Variants in DNASE1 observed in about 807,000 individuals in gnomAD.
DNASE1 encodes deoxyribonuclease 1, also known as deoxyribonuclease-1.
Under a neutral mutation model 33.9 loss-of-function variants are expected in DNASE1, and 40 were observed. The ratio of observed to expected loss-of-function variants is 1.18; its 90% CI spans 0.92 to 1.54. The LOEUF is 1.54. DNASE1 is among the 40% of genes most tolerant of loss of function. The pLI is 0.00. For synonymous variants in DNASE1, 216 were observed against 160.0 expected (o/e 1.35, Z -2.64); for missense variants, 518 against 372.6 (o/e 1.39, Z -3.21).
chr16:3,654,275 A>G, upstream of DNASE1: 1 of 397,982 alleles, frequency 2.5e-6, no homozygotes, highest in Non-Finnish European at 4.4e-6. Flanking sequence ...TTGGCTGGCA[A>G]TTGGGGTGGG....
At chr16:3,655,777 C>A in intron 2 of DNASE1, 72 bp from the exon 3 acceptor site, 2 of 1,574,056 alleles carry the variant, frequency 1.3e-6, no homozygotes, top group Non-Finnish European at 1.7e-6. Flanking sequence ...TCAGCTGTGG[C>A]TCCCTTTGTG....
At chr16:3,612,512 A>T (rs1019542063) in intron 1 of DNASE1, among the ~76,000 whole-genome samples, 1 of 147,864 alleles carries the variant, frequency 6.8e-6, no homozygotes, top group African/African-American at 2.5e-5. Context: ...CGGCCTCCCA[A>T]AGTGGTGGGA....
downstream of DNASE1, chr16:3,658,877 A>G (rs764862839): frequency 9.9e-6 from 16 of 1,613,838 alleles, no homozygotes; most frequent in Non-Finnish European, 1.2e-5. Flanking sequence ...TGCAACACAG[A>G]ACCCACCAGA....
intron 1 of DNASE1, among the ~76,000 whole-genome samples, chr16:3,645,930 G>A (rs932518260): frequency 3.9e-5 from 6 of 152,188 alleles, no homozygotes; most frequent in Non-Finnish European, 7.3e-5. Context: ...ACACTGTCAC[G>A]GCAAAGACAC....
downstream of DNASE1, chr16:3,661,656 C>G (rs2043081921): frequency 3.6e-6 from 1 of 276,528 alleles, no homozygotes; most frequent in Non-Finnish European, 6.8e-6. Context: ...GAGACTTCAG[C>G]AAACACCAAG....
rs185929628 is a variant in DNASE1, at chr16:3,633,847, C to T, written c.-1358-6868C>T. 1.4e-4 allele frequency among the ~76,000 whole-genome samples: 21 copies of T among 152,196 alleles called. No individual in the cohort carries two copies. The East Asian group carries it at 2.9e-3, about 21-fold the overall frequency. Reference sequence around the variant, plus strand: ...TTTTTAAGACCGAGTCTCGCTCTGTCGCCCAGGCTGAAGTGCGGTGGCTCG... The same window carrying T: ...TTTTTAAGACCGAGTCTCGCTCTGTTGCCCAGGCTGAAGTGCGGTGGCTCG... On this transcript the variant is annotated intron_variant and NMD_transcript_variant, in intron 1 of 11. Coordinates refer to the DNASE1 transcript ENST00000570769.
chr16:3,631,214 T>C (rs2041687329), intron 1 of DNASE1, among the ~76,000 whole-genome samples: 1 of 151,778 alleles, frequency 6.6e-6, no homozygotes, highest in South Asian at 2.1e-4. Context: ...TTGTTGGTTT[T>C]GTTTTTGAGA....
At chr16:3,663,497 C>T in exon 10 of DNASE1, 1 of 1,614,202 alleles carries the variant, frequency 6.2e-7, no homozygotes, top group African/African-American at 1.3e-5. Context: ...AGATCAGCTT[C>T]TTCTTGTCAA....
chr16:3,645,991 C>G (rs1015334324), intron 1 of DNASE1, among the ~76,000 whole-genome samples: 4 of 152,162 alleles, frequency 2.6e-5, no homozygotes, highest in African/African-American at 9.7e-5. Context: ...CTAAGATGCT[C>G]TGTCCCTGGG....
chr16:3,645,883 A>G (rs984132928), intron 1 of DNASE1, among the ~76,000 whole-genome samples: 1 of 152,216 alleles, frequency 6.6e-6, no homozygotes, highest in African/African-American at 2.4e-5. Context: ...GGCTGTGATG[A>G]CTGCATCCTG....
exon 10 of DNASE1, chr16:3,664,561 C>T (rs1035600569): frequency 1.2e-5 from 16 of 1,308,270 alleles, no homozygotes; most frequent in Non-Finnish European, 1.7e-5. Flanking sequence ...CCTCCTGGCA[C>T]TCCAGGCTGG....
chr16:3,639,011 T>G (rs1482923389), upstream of DNASE1, among the ~76,000 whole-genome samples: 2 of 152,248 alleles, frequency 1.3e-5, no homozygotes, highest in Non-Finnish European at 2.9e-5. Context: ...CTTAAATATA[T>G]GCCGAACTAT....
At chr16:3,647,494 G>C (rs866678498) in intron 1 of DNASE1, among the ~76,000 whole-genome samples, 2 of 152,026 alleles carry the variant, frequency 1.3e-5, no homozygotes, top group Non-Finnish European at 2.9e-5. Flanking sequence ...GACTGGTTTT[G>C]AACTTCTAAG....
intron 1 of DNASE1, among the ~76,000 whole-genome samples, chr16:3,621,142 C>G (rs1488665228): frequency 6.6e-6 from 1 of 152,012 alleles, no homozygotes; most frequent in Non-Finnish European, 1.5e-5. Context: ...GTCATCCATG[C>G]TAGAATGCAG....
At chr16:3,626,413 G>A (rs1476139214) in intron 1 of DNASE1, among the ~76,000 whole-genome samples, 1 of 152,112 alleles carries the variant, frequency 6.6e-6, no homozygotes, top group Admixed American at 6.6e-5. Flanking sequence ...GAAGTATGTT[G>A]CTTAATATCA....
At chr16:3,624,117 A>G (rs892600860) in intron 1 of DNASE1, among the ~76,000 whole-genome samples, 2 of 151,954 alleles carry the variant, frequency 1.3e-5, no homozygotes, top group Non-Finnish European at 2.9e-5. Context: ...TCTCTACTAA[A>G]AATACAAAAA....
upstream of DNASE1, chr16:3,640,904 T>C (rs898120521): frequency 5.0e-6 from 2 of 398,402 alleles, no homozygotes; most frequent in African/African-American, 4.1e-5. Flanking sequence ...CCGTCACCCA[T>C]GAGCTCTCAA....
At chr16:3,657,374 G>C in intron 7 of DNASE1, 33 bp downstream of exon 7, 1 of 1,607,960 alleles carries the variant, frequency 6.2e-7, no homozygotes, top group Non-Finnish European at 8.5e-7. Flanking sequence ...GGCAGACTGA[G>C]GGCACCTCCA....
intron 1 of DNASE1, among the ~76,000 whole-genome samples, chr16:3,619,148 C>A (rs2041212156): frequency 6.6e-6 from 1 of 152,148 alleles, no homozygotes; most frequent in South Asian, 2.1e-4. Flanking sequence ...GATCCTCCTG[C>A]CTCAGCCTCC....
Sources: allele counts gnomAD v4.1 joint callset (sites outside exome capture counted in the v4.1 genomes callset), GRCh38; gene constraint gnomAD v4.1.1; transcripts MANE v1.5; gene names NCBI Gene and HGNC (gene_info 2026-07-23, HGNC 2026-07-21).